TNFRSF21: variants seen among roughly 807,000 people sequenced by gnomAD.
The protein encoded by TNFRSF21 is tumor necrosis factor receptor superfamily member 21.
TNFRSF21 carries 19 observed loss-of-function variants against 45.6 expected under a neutral mutation model. The ratio of observed to expected loss-of-function variants is 0.42; its 90% CI spans 0.29 to 0.61. The LOEUF (loss-of-function observed/expected upper bound fraction) is 0.61. TNFRSF21 is among the 20% of genes least tolerant of loss of function. TNFRSF21 has a pLI of 0.23. For missense variants in TNFRSF21, 737 were observed against 851.5 expected (o/e 0.87, Z 1.67); for synonymous variants, 314 against 335.5 (o/e 0.94, Z 0.70).
At chr6:47,294,365 A>G (rs1320026994) in intron 1 of TNFRSF21, among the ~76,000 whole-genome samples, 1 of 152,200 alleles carries the variant, frequency 6.6e-6, no homozygotes, top group Admixed American at 6.5e-5. Context: ...GATGGTCTCC[A>G]TCTCCTGACC....
chr6:47,269,505 AC>A (rs1275979757), intron 3 of TNFRSF21, among the ~76,000 whole-genome samples: 1 of 152,220 alleles, frequency 6.6e-6, no homozygotes, highest in Admixed American at 6.5e-5. Context: ...GAACCTGGTT[AC>A]AAACTTATCC....
At chr6:47,260,656 G>A (rs1432190739) in intron 3 of TNFRSF21, among the ~76,000 whole-genome samples, 1 of 152,180 alleles carries the variant, frequency 6.6e-6, no homozygotes, top group Admixed American at 6.5e-5. Flanking sequence ...TGTCATCAAT[G>A]AGAACCCATA....
intron 5 of TNFRSF21, 46 bp from the exon 6 acceptor site, chr6:47,233,040 C>G (rs756617967): frequency 1.3e-6 from 2 of 1,578,062 alleles, no homozygotes; most frequent in Admixed American, 3.3e-5. Flanking sequence ...GGTGACTGTA[C>G]TGGCAAGGCC....
chr6:47,290,727 G>A (rs529393498), intron 1 of TNFRSF21, among the ~76,000 whole-genome samples: 228 of 152,244 alleles, frequency 1.5e-3, no homozygotes, highest in African/African-American at 4.5e-3. Context: ...TCCAGCTCCC[G>A]CAAGCAGAGC....
chr6:47,244,265 A>G lies in TNFRSF21; in HGVS notation c.1509+8991T>C, dbSNP rs1463162795. ...CGTGAACCCGGGAGGGGGAGCTTGC[A>G]GTGACCCGAGATGGCGCCACTGCAC... On this transcript the variant is annotated intron_variant, in intron 4 of 5. Coordinates refer to ENST00000296861, the MANE Select transcript of TNFRSF21 (RefSeq NM_014452.5). Among the ~76,000 whole-genome samples the G allele has an allele frequency of 2.7e-5, 4 of 146,334 alleles. No individual in the cohort carries two copies. The South Asian group carries it at 8.8e-4, about 32-fold the overall frequency.
Position 47,232,576 on chromosome 6 carries a change from G to C in TNFRSF21, c.*189C>G, listed in dbSNP as rs1764599601. Reference sequence around the variant, plus strand: ...AGAAGAGTTATTTAAAAAAAAAAGAGAGAGAGAGAAGGAGAAAGAACTCAA... The same window carrying C: ...AGAAGAGTTATTTAAAAAAAAAAGACAGAGAGAGAAGGAGAAAGAACTCAA... On this transcript the variant is annotated 3_prime_UTR_variant, in exon 6 of 6. Transcript: ENST00000296861. 1.8e-6 allele frequency: 1 copy of C among 550,920 alleles called. No homozygotes were observed. Among genetic ancestry groups the C allele is most frequent in the Non-Finnish European group, 3.1e-6 (1 of 318,322 alleles). The allele number at this position is 550,920 out of a possible 1,614,324, so 34.1% of individuals were successfully genotyped here.
chr6:47,258,145 G>A (rs1205075985), intron 3 of TNFRSF21, among the ~76,000 whole-genome samples: 1 of 151,970 alleles, frequency 6.6e-6, no homozygotes, highest in Non-Finnish European at 1.5e-5. Context: ...TGAGGTGAGT[G>A]GATCCCTTGA....
chr6:47,275,959 A>C (rs1762490704), intron 3 of TNFRSF21, among the ~76,000 whole-genome samples: 1 of 152,204 alleles, frequency 6.6e-6, no homozygotes, highest in African/African-American at 2.4e-5. Flanking sequence ...CACCAGGAAG[A>C]CAGTAGGCAC....
At chr6:47,300,611 C>T (rs1484762454) in intron 1 of TNFRSF21, among the ~76,000 whole-genome samples, 1 of 152,030 alleles carries the variant, frequency 6.6e-6, no homozygotes, top group Non-Finnish European at 1.5e-5. Flanking sequence ...ATGATATGGC[C>T]CCTGCCTGCC....
At position 47,286,285 on chromosome 6, in the gene TNFRSF21, C is replaced by A. The variant is rs1762647997; in HGVS notation, c.407G>T (p.Gly136Val). ...ACAGGTAGCGTTAGACTGGAACATG[C>A]CAGGTGGGCAAGTGCATTCTCGGTC... ...LTDRECTCPP[G>V]MFQSNATCAP... Residue 136 changes from glycine (G) to valine (V), a missense_variant, in exon 2 of 6, where the codon GGC becomes GTC. Physicochemically the swap from Gly to Val is moderately radical, Grantham distance 109 (BLOSUM62 -3). Transcript: ENST00000296861. The A allele has an allele frequency of 5.0e-6, 8 of 1,614,074 alleles. No individual in the cohort carries two copies. The highest frequency in any genetic ancestry group is 5.9e-6 in the Non-Finnish European group (7 of 1,180,054).
In TNFRSF21 at chr6:47,255,596, G is replaced by A. The variant is rs921920115; in HGVS notation, c.1244-2075C>T. Among the ~76,000 whole-genome samples the A allele has an allele frequency of 7.9e-5, 12 of 152,050 alleles. No homozygotes were observed. In the East Asian group the frequency reaches 2.1e-3, roughly 27 times the overall value. On this transcript the variant is annotated intron_variant, in intron 3 of 5. Transcript: ENST00000296861. ...CCTGCCTCACCCTCCCAAGTAGCTG[G>A]GATTACAGACACCCACCACCACACC...
At chr6:47,295,186 CA>C (rs1762776156) in intron 1 of TNFRSF21, among the ~76,000 whole-genome samples, 1 of 152,200 alleles carries the variant, frequency 6.6e-6, no homozygotes, top group African/African-American at 2.4e-5. Context: ...CTCTTGTTGT[CA>C]CTTCTATTCT....
chr6:47,300,524 A>G (rs1464136236), intron 1 of TNFRSF21, among the ~76,000 whole-genome samples: 1 of 151,970 alleles, frequency 6.6e-6, no homozygotes, highest in Non-Finnish European at 1.5e-5. Context: ...TATTTTTTTT[A>G]ATTGCATTCA....
chr6:47,284,479 G>T (rs1369915682), intron 2 of TNFRSF21, 47 bp from the exon 3 acceptor site: 4 of 1,495,518 alleles, frequency 2.7e-6, no homozygotes, highest in Non-Finnish European at 3.6e-6. Context: ...CATATTTGGG[G>T]ATCTATACAT....
At chr6:47,273,582 T>C (rs760108307) in intron 3 of TNFRSF21, among the ~76,000 whole-genome samples, 4 of 152,140 alleles carry the variant, frequency 2.6e-5, no homozygotes, top group Non-Finnish European at 5.9e-5. Context: ...ACTGGAAACT[T>C]TCCCTTTGAA....
At chr6:47,273,088 A>G (rs1269708607) in intron 3 of TNFRSF21, among the ~76,000 whole-genome samples, 1 of 152,204 alleles carries the variant, frequency 6.6e-6, no homozygotes, top group Non-Finnish European at 1.5e-5. Context: ...CAGAAGTACA[A>G]AGAGGAGCTG....
chr6:47,287,307 CAAA>C (rs1164380285), intron 1 of TNFRSF21, among the ~76,000 whole-genome samples: 32 of 20,870 alleles, frequency 1.5e-3, no homozygotes, highest in African/African-American at 3.8e-3. Context: ...AACTCTTTCT[CAAA>C]AAAAAAAAAA....
At chr6:47,256,806 C>A (rs1357838930) in intron 3 of TNFRSF21, among the ~76,000 whole-genome samples, 2 of 152,092 alleles carry the variant, frequency 1.3e-5, no homozygotes, top group Non-Finnish European at 2.9e-5. Flanking sequence ...CTTGTTAGTC[C>A]CTGAATCTTA....
intron 4 of TNFRSF21, 66 bp downstream of exon 4, chr6:47,253,190 C>T (rs115512876): frequency 3.9e-6 from 6 of 1,558,390 alleles, no homozygotes; most frequent in Non-Finnish European, 5.2e-6. Context: ...TCCCATACAA[C>T]TGATAAAATT....
Sources: gnomAD v4.1 joint callset for allele counts (sites outside exome capture counted in the v4.1 genomes callset) on GRCh38, gnomAD v4.1.1 for gene constraint, MANE v1.5 for transcripts, NCBI Gene and HGNC (gene_info 2026-07-23, HGNC 2026-07-21) for gene names.